OLFM3: variants seen among roughly 807,000 people sequenced by gnomAD.
OLFM3 encodes the protein noelin-3.
OLFM3 carries 20 observed loss-of-function variants against 48.6 expected under a neutral mutation model. That is an observed-to-expected ratio of 0.41 (90% CI 0.29 to 0.60). The LOEUF is 0.60. Among genes scored for constraint, OLFM3 ranks in the 20% least tolerant of loss-of-function variants. The pLI is 0.28. For synonymous variants in OLFM3, 222 were observed against 198.1 expected, an observed-to-expected ratio of 1.12 and a Z score of -1.01; for missense variants, 437 against 544.3, an observed-to-expected ratio of 0.80 and a Z score of 1.96.
intron 1 of OLFM3, among the ~76,000 whole-genome samples, chr1:101,877,059 C>T (rs745402253): frequency 1.3e-5 from 2 of 151,942 alleles, no homozygotes; most frequent in African/African-American, 2.4e-5. Context: ...TTTTGAAGAA[C>T]AAATGAGCTT....
chr1:101,878,915 G>A (rs1462789305), intron 1 of OLFM3, among the ~76,000 whole-genome samples: 1 of 151,814 alleles, frequency 6.6e-6, no homozygotes, highest in Non-Finnish European at 1.5e-5. Context: ...AGTAATCACT[G>A]CCCCTTAGAG....
intron 1 of OLFM3, among the ~76,000 whole-genome samples, chr1:101,880,066 T>C (rs1657458659): frequency 6.6e-6 from 1 of 151,888 alleles, no homozygotes; most frequent in Admixed American, 6.6e-5. Flanking sequence ...TGTCTAGACA[T>C]GTGACAAAAA....
chr1:101,809,675 T>C (rs556604414), intron 4 of OLFM3, among the ~76,000 whole-genome samples: 1 of 151,872 alleles, frequency 6.6e-6, no homozygotes, highest in Non-Finnish European at 1.5e-5. Context: ...GAGGGAGGTC[T>C]CAGAAATAAG....
chr1:101,970,750 C>T (rs1035058410), intron 1 of OLFM3, among the ~76,000 whole-genome samples: 1 of 152,184 alleles, frequency 6.6e-6, no homozygotes, highest in African/African-American at 2.4e-5. Context: ...ACCACCCTCC[C>T]CTGACCCGAT....
intron 1 of OLFM3, among the ~76,000 whole-genome samples, chr1:101,889,875 T>C (rs1657920514): frequency 6.6e-6 from 1 of 152,072 alleles, no homozygotes; most frequent in South Asian, 2.1e-4. Context: ...TCTCATATCA[T>C]TTGAACCTAT....
At chr1:101,817,923 T>A (rs1362291789) in intron 4 of OLFM3, among the ~76,000 whole-genome samples, 1 of 152,020 alleles carries the variant, frequency 6.6e-6, no homozygotes, top group East Asian at 1.9e-4. Context: ...ATGAGTTATA[T>A]TTGTGAGGTA....
At chr1:101,967,615 G>GAAAAAAAAAAAAAAA (rs1660653190) in intron 1 of OLFM3, among the ~76,000 whole-genome samples, 1 of 64,222 alleles carries the variant, frequency 1.6e-5, no homozygotes, top group African/African-American at 6.5e-5. Flanking sequence ...AAAAAAAAAA[G>GAAAAAAAAAAAAAAA]GAATAACTGG....
chr1:101,940,178 T>G (rs1320517610), intron 1 of OLFM3, among the ~76,000 whole-genome samples: 1 of 152,002 alleles, frequency 6.6e-6, no homozygotes, highest in Non-Finnish European at 1.5e-5. Flanking sequence ...GAGAGATGTT[T>G]CCAGCCAGTA....
intron 1 of OLFM3, among the ~76,000 whole-genome samples, chr1:101,906,649 G>A (rs774359795): frequency 6.6e-6 from 1 of 152,148 alleles, no homozygotes; most frequent in Non-Finnish European, 1.5e-5. Context: ...GCCCACAAAT[G>A]TAGAGCAAGT....
At chr1:101,900,896 G>A (rs1658367472) in intron 1 of OLFM3, among the ~76,000 whole-genome samples, 1 of 152,008 alleles carries the variant, frequency 6.6e-6, no homozygotes, top group South Asian at 2.1e-4. Flanking sequence ...ATTCCTTTCA[G>A]AAGCGGGTGC....
At chr1:101,813,168 A>C (rs763908842) in intron 4 of OLFM3, 1 of 1,169,944 alleles carries the variant, frequency 8.5e-7, no homozygotes, top group Non-Finnish European at 1.1e-6. Context: ...ATTTAAAGAA[A>C]GAAGTTATAT....
At chr1:101,938,679 A>G (rs558996173) in intron 1 of OLFM3, among the ~76,000 whole-genome samples, 2 of 152,206 alleles carry the variant, frequency 1.3e-5, no homozygotes, top group East Asian at 3.9e-4. Flanking sequence ...GAGCTTTCCC[A>G]TTTGCTCAGT....
chr1:101,903,924 T>C (rs1453615182), intron 1 of OLFM3, among the ~76,000 whole-genome samples: 1 of 152,092 alleles, frequency 6.6e-6, no homozygotes, highest in Admixed American at 6.6e-5. Flanking sequence ...GTGTTTGATT[T>C]ATTAATATGA....
At chr1:101,919,942 C>A (rs1659043790) in intron 1 of OLFM3, among the ~76,000 whole-genome samples, 1 of 152,142 alleles carries the variant, frequency 6.6e-6, no homozygotes, top group South Asian at 2.1e-4. Context: ...CAGTAAATGG[C>A]AACTCTATTC....
intron 1 of OLFM3, among the ~76,000 whole-genome samples, chr1:101,973,882 T>TA (rs1262382527): frequency 6.6e-6 from 1 of 152,160 alleles, no homozygotes. Context: ...GCAGTTTTGA[T>TA]AAAAAGAGCA....
intron 1 of OLFM3, among the ~76,000 whole-genome samples, chr1:101,847,829 G>A (rs1229836319): frequency 2.0e-5 from 3 of 152,118 alleles, no homozygotes; most frequent in East Asian, 3.8e-4. Flanking sequence ...TGTATCTTGA[G>A]AGAACATGTG....
chr1:101,955,087 C>T (rs931921383), intron 1 of OLFM3, among the ~76,000 whole-genome samples: 1 of 151,956 alleles, frequency 6.6e-6, no homozygotes, highest in Non-Finnish European at 1.5e-5. Context: ...TTCATTTTGG[C>T]ATGCTAGAAT....
chr1:101,829,691 A>T (rs1398725755), intron 3 of OLFM3, among the ~76,000 whole-genome samples: 2 of 152,254 alleles, frequency 1.3e-5, no homozygotes, highest in Non-Finnish European at 2.9e-5. Context: ...ATCAGCAGTG[A>T]ATCTCACTTC....
chr1:101,964,168 G>A (rs1290149281), intron 1 of OLFM3, among the ~76,000 whole-genome samples: 5 of 152,150 alleles, frequency 3.3e-5, no homozygotes, highest in Non-Finnish European at 7.4e-5. Context: ...AGGTGGTGAT[G>A]GTGGTTGTAT....
Sources: gnomAD v4.1 joint callset for allele counts (sites outside exome capture counted in the v4.1 genomes callset) on GRCh38, gnomAD v4.1.1 for gene constraint, MANE v1.5 for transcripts, NCBI Gene and HGNC (gene_info 2026-07-23, HGNC 2026-07-21) for gene names.